EFCAB6: variants seen among roughly 807,000 people sequenced by gnomAD.
The protein encoded by EFCAB6 is EF-hand calcium-binding domain-containing protein 6.
Under a neutral mutation model 169.8 loss-of-function variants are expected in EFCAB6, and 156 were observed. The observed-to-expected ratio is 0.92, with a 90% CI of 0.81 to 1.05. The LOEUF (loss-of-function observed/expected upper bound fraction) is 1.05, where lower values mean the gene tolerates loss of function less well. Among genes scored for constraint, EFCAB6 ranks in the 50% least tolerant of loss-of-function variants. EFCAB6 has a pLI of 0.00. For synonymous variants in EFCAB6, 698 were observed against 676.4 expected (o/e 1.03, Z -0.50); for missense variants, 1,800 against 1,829.1 (o/e 0.98, Z 0.29).
At chr22:43,741,410 C>G (rs1441924005) in intron 6 of EFCAB6, among the ~76,000 whole-genome samples, 1 of 152,226 alleles carries the variant, frequency 6.6e-6, no homozygotes. Flanking sequence ...GCCTCCCTCC[C>G]TGCCTTCGTT....
intron 20 of EFCAB6, among the ~76,000 whole-genome samples, chr22:43,623,705 C>A (rs1386450230): frequency 3.5e-5 from 5 of 141,648 alleles, no homozygotes; most frequent in Non-Finnish European, 7.5e-5. Context: ...ACCATCCTGG[C>A]TAACATAGTG....
rs930807192 is a variant in EFCAB6, at chr22:43,725,163, G to A, written c.757+6536C>T. Among the ~76,000 whole-genome samples, 8 of 137,436 alleles carry A rather than the reference G, an allele frequency of 5.8e-5. No homozygotes were observed. The South Asian group carries it at 1.4e-3, about 24-fold the overall frequency. The allele number at this position is 137,436 out of a possible 152,430, so 90.2% of individuals were successfully genotyped here. ...TTTTTTTTTTTTTTTTTTTTTAGAC[G>A]GAGTTTCATTCTTGTTGCCCAGGCT... On this transcript the variant is annotated intron_variant, in intron 8 of 31. Transcript: ENST00000262726.
chr22:43,670,749 T>C (rs914849231), intron 15 of EFCAB6, among the ~76,000 whole-genome samples: 16 of 152,156 alleles, frequency 1.1e-4, no homozygotes, highest in Admixed American at 1.0e-3. Flanking sequence ...TTTGGTCAGC[T>C]GGGAGAGACT....
intron 23 of EFCAB6, among the ~76,000 whole-genome samples, chr22:43,599,509 C>CAAAAAAAAAAAAAAAAAAAAA (rs58130994): frequency 4.5e-5 from 2 of 44,242 alleles, no homozygotes; most frequent in African/African-American, 1.8e-4. Flanking sequence ...GATTCCATCT[C>CAAAAAAAAAAAAAAAAAAAAA]AAAAAAAAAA....
At chr22:43,672,453 A>G in intron 13 of EFCAB6, 148 bp from the exon 14 acceptor site, 1 of 711,054 alleles carries the variant, frequency 1.4e-6, no homozygotes, top group Admixed American at 2.8e-5. Context: ...CTTGCCCTCT[A>G]ATACCCATCT....
At chr22:43,555,273 C>A (rs1301307917) in intron 26 of EFCAB6, among the ~76,000 whole-genome samples, 177 bp from the exon 27 acceptor site, 1 of 152,200 alleles carries the variant, frequency 6.6e-6, no homozygotes, top group Non-Finnish European at 1.5e-5. Context: ...TCAGGCCCTG[C>A]TGAGCAGAAG....
chr22:43,562,534 G>T, intron 26 of EFCAB6, among the ~76,000 whole-genome samples: 1 of 148,860 alleles, frequency 6.7e-6, no homozygotes, highest in South Asian at 2.2e-4. Context: ...AGCCCGGTCA[G>T]GGGTGGGAGG....
At chr22:43,649,681 C>T (rs953534877) in intron 17 of EFCAB6, among the ~76,000 whole-genome samples, 1 of 152,026 alleles carries the variant, frequency 6.6e-6, no homozygotes, top group Admixed American at 6.5e-5. Context: ...GAATATCTTG[C>T]AGATTTAAGC....
At chr22:43,756,093 C>T (rs895577790) in intron 5 of EFCAB6, among the ~76,000 whole-genome samples, 5 of 152,192 alleles carry the variant, frequency 3.3e-5, no homozygotes, top group Non-Finnish European at 5.9e-5. Flanking sequence ...TTACAGCTGA[C>T]ACTTAATGAG....
At chr22:43,618,908 C>G (rs971385120) in intron 20 of EFCAB6, among the ~76,000 whole-genome samples, 3 of 25,322 alleles carry the variant, frequency 1.2e-4, no homozygotes, top group Non-Finnish European at 2.0e-4. Flanking sequence ...TTTTCTCTCT[C>G]TCTTTTTTTT....
rs1249716425 is a variant in EFCAB6, at chr22:43,740,192, C to T, written c.508-4199G>A. The stretch of plus-strand genomic sequence containing the variant: ...GCCCAGAAACGCCCTCCCTAGTCAC[C>T]ATGCAAATTAGGACTCCTCACCCCC... On this transcript the variant is annotated intron_variant, in intron 6 of 31. Coordinates refer to ENST00000262726, the MANE Select transcript of EFCAB6 (RefSeq NM_022785.4). Among the ~76,000 whole-genome samples the T allele has an allele frequency of 4.6e-5, 7 of 152,188 alleles. No individual in the cohort carries two copies. In the East Asian group the frequency reaches 1.2e-3, roughly 25 times the overall value.
intron 3 of EFCAB6, among the ~76,000 whole-genome samples, chr22:43,777,946 T>C (rs2148010856): frequency 6.6e-6 from 1 of 152,320 alleles, no homozygotes; most frequent in African/African-American, 2.4e-5. Context: ...AAATTTTCTA[T>C]ATCCGCTTAG....
intron 13 of EFCAB6, among the ~76,000 whole-genome samples, chr22:43,672,547 G>A (rs543136421): frequency 1.3e-3 from 193 of 152,266 alleles, no homozygotes; most frequent in Non-Finnish European, 2.2e-3. Flanking sequence ...GGACATAGAC[G>A]GAGCTGGAGG....
At chr22:43,807,618 A>T (rs2062966027) in intron 2 of EFCAB6, among the ~76,000 whole-genome samples, 1 of 152,228 alleles carries the variant, frequency 6.6e-6, no homozygotes, top group South Asian at 2.1e-4. Context: ...AAGAGTAAAA[A>T]GTGTGCACAG....
intron 4 of EFCAB6, among the ~76,000 whole-genome samples, chr22:43,772,641 C>CA (rs11285899): frequency 1.6e-4 from 19 of 120,180 alleles, no homozygotes; most frequent in Admixed American, 2.5e-4. Context: ...AATTCTGTCT[C>CA]AAAAAAAAAA....
chr22:43,604,547 GA>G (rs1421132203), intron 22 of EFCAB6, among the ~76,000 whole-genome samples: 1 of 152,132 alleles, frequency 6.6e-6, no homozygotes, highest in Non-Finnish European at 1.5e-5. Flanking sequence ...CTAAGCTAAT[GA>G]TCTTGTTCAC....
chr22:43,612,893 CAATT>C (rs2053416900), intron 21 of EFCAB6, among the ~76,000 whole-genome samples: 2 of 131,768 alleles, frequency 1.5e-5, no homozygotes, highest in African/African-American at 5.8e-5. Context: ...GACTCCATCT[CAATT>C]AAAAAAAAAA....
At chr22:43,738,015 C>G (rs1165653943) in intron 6 of EFCAB6, among the ~76,000 whole-genome samples, 1 of 151,014 alleles carries the variant, frequency 6.6e-6, no homozygotes, top group East Asian at 2.0e-4. Context: ...TGCACATACA[C>G]TCACACACAC....
Position 43,731,732 on chromosome 22 carries a change from C to T in EFCAB6, c.724G>A (p.Asp242Asn), listed in dbSNP as rs775094087. 3.7e-5 allele frequency: 59 copies of T among 1,599,966 alleles called. No individual in the cohort carries two copies. The highest frequency in any genetic ancestry group is 1.7e-4 in the Admixed American group (10 of 57,234). ...CCCATACAATATCTAAGGTTCAAGT[C>T]GTTATTTATGCTGAGATTCTTCAAA... Reference protein sequence around the residue: ...VFLKNLSINNDLNLRYCMGNQ... With the variant: ...VFLKNLSINNNLNLRYCMGNQ... The change falls in exon 8 of 32, where the codon GAC becomes AAC. Residue 242 changes from aspartate to asparagine, a missense_variant. Transcript: ENST00000262726.
Sources: allele counts gnomAD v4.1 joint callset (sites outside exome capture counted in the v4.1 genomes callset), GRCh38; gene constraint gnomAD v4.1.1; transcripts MANE v1.5; gene names NCBI Gene and HGNC (gene_info 2026-07-23, HGNC 2026-07-21).